Variants in LRP1B observed in about 807,000 individuals in gnomAD.
LRP1B encodes low-density lipoprotein receptor-related protein 1B.
LRP1B carries 217 observed loss-of-function variants against 556.6 expected under a neutral mutation model. The ratio of observed to expected loss-of-function variants is 0.39; its 90% CI spans 0.35 to 0.44. LRP1B has a LOEUF of 0.44. Among genes scored for constraint, LRP1B ranks in the 20% least tolerant of loss-of-function variants. The pLI is 1.00. For missense variants in LRP1B, 5,053 were observed against 5,620.8 expected, an observed-to-expected ratio of 0.90 and a Z score of 3.23; for synonymous variants, 2,047 against 1,865.8, an observed-to-expected ratio of 1.10 and a Z score of -2.50.
At chr2:141,463,824 ATATATATAATTG>A (rs1682045586) in intron 3 of LRP1B, among the ~76,000 whole-genome samples, 1 of 143,598 alleles carries the variant, frequency 7.0e-6, no homozygotes, top group Non-Finnish European at 1.5e-5. Context: ...TATCCAAATT[ATATATATAATTG>A]GATAATATTA....
intron 1 of LRP1B, among the ~76,000 whole-genome samples, chr2:141,934,254 CAG>C (rs1157253772): frequency 2.0e-5 from 3 of 151,744 alleles, no homozygotes; most frequent in South Asian, 2.1e-4. Flanking sequence ...AGATGGAAAA[CAG>C]AGAAAAGTTA....
At chr2:141,777,060 G>A (rs889182673) in intron 2 of LRP1B, among the ~76,000 whole-genome samples, 1 of 152,144 alleles carries the variant, frequency 6.6e-6, no homozygotes, top group African/African-American at 2.4e-5. Context: ...TAAATAAAGT[G>A]GAGGTGGGGG....
chr2:140,501,908 G>A (rs369002994), intron 54 of LRP1B, 34 bp from the exon 55 acceptor site: 6 of 1,493,664 alleles, frequency 4.0e-6, no homozygotes, highest in African/African-American at 1.4e-5. Flanking sequence ...GAACATAAAG[G>A]GCATGCCATT....
At chr2:141,914,047 A>G (rs1402112616) in intron 1 of LRP1B, among the ~76,000 whole-genome samples, 1 of 151,936 alleles carries the variant, frequency 6.6e-6, no homozygotes, top group Admixed American at 6.6e-5. Flanking sequence ...TGCCTGGCCA[A>G]CCCTCCTTCC....
chr2:141,003,842 G>T lies in LRP1B; in HGVS notation c.2503+1493C>A, dbSNP rs556419422. Among the ~76,000 whole-genome samples, 33 of 152,104 alleles carry T rather than the reference G, an allele frequency of 2.2e-4. No individual in the cohort carries two copies. The East Asian group carries it at 5.4e-3, about 25-fold the overall frequency. ...ATTACAAAATGCCACATCCATACCA[G>T]TGTAAGCATTCACTCAATCTTACCT... is the stretch of plus-strand genomic sequence containing the variant. On this transcript the variant is annotated intron_variant, in intron 15 of 90. Transcript: ENST00000389484.
intron 5 of LRP1B, among the ~76,000 whole-genome samples, chr2:141,232,491 T>C (rs1056184577): frequency 6.6e-6 from 1 of 152,188 alleles, no homozygotes; most frequent in African/African-American, 2.4e-5. Flanking sequence ...GCATAAACAT[T>C]CTTTGAAGAG....
intron 1 of LRP1B, among the ~76,000 whole-genome samples, chr2:141,821,858 C>T (rs543697192): frequency 1.3e-5 from 2 of 151,820 alleles, no homozygotes; most frequent in East Asian, 3.9e-4. Flanking sequence ...TACATTATCC[C>T]CAGGAAGAAG....
chr2:140,980,450 G>A (rs550035659), intron 18 of LRP1B, among the ~76,000 whole-genome samples: 10 of 152,218 alleles, frequency 6.6e-5, no homozygotes, highest in East Asian at 3.9e-4. Flanking sequence ...TATTATATAC[G>A]TAAAATATTC....
chr2:140,814,677 T>C (rs1691047270), intron 31 of LRP1B, among the ~76,000 whole-genome samples: 1 of 152,154 alleles, frequency 6.6e-6, no homozygotes, highest in African/African-American at 2.4e-5. Context: ...AAATGGAAGA[T>C]TTTCAGCAAA....
At chr2:141,656,878 T>A (rs1335525140) in intron 2 of LRP1B, among the ~76,000 whole-genome samples, 1 of 152,078 alleles carries the variant, frequency 6.6e-6, no homozygotes, top group Non-Finnish European at 1.5e-5. Context: ...TTTTAATACA[T>A]ACAAAGATAT....
intron 1 of LRP1B, among the ~76,000 whole-genome samples, chr2:141,918,869 G>T (rs1243560292): frequency 6.6e-6 from 1 of 152,062 alleles, no homozygotes; most frequent in Non-Finnish European, 1.5e-5. Flanking sequence ...TTCAAGAAGT[G>T]GTTTGCTTGG....
intron 86 of LRP1B, among the ~76,000 whole-genome samples, chr2:140,258,328 T>TA (rs1483078752): frequency 2.0e-5 from 3 of 151,554 alleles, no homozygotes; most frequent in Non-Finnish European, 2.9e-5. Context: ...AAATCCACCC[T>TA]AAAAATGTTT....
intron 66 of LRP1B, among the ~76,000 whole-genome samples, chr2:140,411,967 C>A (rs759938084): frequency 1.8e-4 from 27 of 152,064 alleles, no homozygotes; most frequent in Non-Finnish European, 3.5e-4. Context: ...TTTACAATTT[C>A]TGTTATTGGC....
rs745524571 is a variant in LRP1B at position 140,291,320 on chromosome 2, T to TATATATATA, written c.12967+6487_12967+6488insTATATATAT. Among the ~76,000 whole-genome samples the TATATATATA allele has an allele frequency of 4.1e-3, 215 of 51,868 alleles. 32 individuals carry two copies. Among genetic ancestry groups the TATATATATA allele is most frequent in the Admixed American group, 6.0e-3 (22 of 3,666 alleles). 34.0% of individuals were successfully genotyped at this position (51,868 alleles called of 152,430 possible). A position where few individuals can be genotyped will look rare whatever the true frequency, so the allele number is the denominator to read the frequency against. On this transcript the variant is annotated intron_variant, in intron 84 of 90. Coordinates refer to ENST00000389484, the MANE Select transcript of LRP1B (RefSeq NM_018557.3). ...ATTTTATATATATATATATATATATTTTTATTATACTTTAAGTTCTAGGGT... is the reference window on the plus strand; with the variant it reads ...ATTTTATATATATATATATATATATTATATATATATTTATTATACTTTAAGTTCTAGGGT...
intron 79 of LRP1B, among the ~76,000 whole-genome samples, chr2:140,330,706 G>C (rs560314059): frequency 6.6e-6 from 1 of 151,844 alleles, no homozygotes; most frequent in Non-Finnish European, 1.5e-5. Context: ...TTGTTAACAA[G>C]AAAAAATTGA....
chr2:141,169,530 G>T (rs1680408609), intron 7 of LRP1B, among the ~76,000 whole-genome samples: 1 of 151,690 alleles, frequency 6.6e-6, no homozygotes, highest in Non-Finnish European at 1.5e-5. Flanking sequence ...GTCTGTCATG[G>T]ATCCTGCACT....
intron 1 of LRP1B, among the ~76,000 whole-genome samples, chr2:142,087,676 G>A (rs1027792371): frequency 3.3e-5 from 5 of 151,156 alleles, no homozygotes; most frequent in Non-Finnish European, 5.9e-5. Flanking sequence ...ATTCATTTTT[G>A]CCTAACAAAG....
chr2:140,273,343 G>A (rs1478559907), intron 85 of LRP1B, among the ~76,000 whole-genome samples: 2 of 29,198 alleles, frequency 6.8e-5, no homozygotes, highest in African/African-American at 1.6e-4. Context: ...TTGGACGCAT[G>A]TTTCACTTTT....
At position 141,375,580 on chromosome 2, in the gene LRP1B, T is replaced by C. The variant is rs1397423295; in HGVS notation, c.343+104816A>G. 2.0e-5 allele frequency among the ~76,000 whole-genome samples: 3 copies of C among 152,240 alleles called. 1 individual carries two copies. The South Asian group carries it at 6.2e-4, about 32-fold the overall frequency. On this transcript the variant is annotated intron_variant, in intron 3 of 90. Transcript: ENST00000389484. ...TCCAGTCCCAGGGCTGCTGGTATTG[T>C]CCTAAGTGTGCTGAGGAGAGCTTGG...
Sources: allele counts gnomAD v4.1 joint callset (sites outside exome capture counted in the v4.1 genomes callset), GRCh38; gene constraint gnomAD v4.1.1; transcripts MANE v1.5; gene names NCBI Gene and HGNC (gene_info 2026-07-23, HGNC 2026-07-21).